PLPPR1: variants seen among roughly 807,000 people sequenced by gnomAD.
The protein encoded by PLPPR1 is phospholipid phosphatase related 1.
Under a neutral mutation model 33.1 loss-of-function variants are expected in PLPPR1, and 10 were observed. That is an observed-to-expected ratio of 0.30 (90% confidence interval 0.19 to 0.51). The LOEUF (loss-of-function observed/expected upper bound fraction) is 0.51. Among genes scored for constraint, PLPPR1 ranks in the 20% least tolerant of loss-of-function variants. The probability of loss-of-function intolerance (pLI) is 0.97; values close to 1 mark genes in which losing one functional copy is unlikely to be tolerated. For missense variants in PLPPR1, 304 were observed against 408.1 expected (o/e 0.74, Z 2.20); for synonymous variants, 151 against 151.0 (o/e 1.00, Z 0.00).
chr9:101,083,489 C>T lies in PLPPR1; in HGVS notation c.-46+54387C>T, dbSNP rs565750002. Among the ~76,000 whole-genome samples the T allele has an allele frequency of 4.0e-5, 6 of 151,888 alleles. No homozygotes were observed. In the South Asian group the frequency reaches 1.2e-3, roughly 32 times the overall value. Reference sequence around the variant, plus strand: ...TCCTGTTATTAAATCAAATGCATTTCATAAAGGAGCAGGAGCCTCTTAAAT... The same window carrying T: ...TCCTGTTATTAAATCAAATGCATTTTATAAAGGAGCAGGAGCCTCTTAAAT... On this transcript the variant is annotated intron_variant, in intron 1 of 7. Coordinates refer to ENST00000374874, the MANE Select transcript of PLPPR1 (RefSeq NM_207299.2).
intron 1 of PLPPR1, among the ~76,000 whole-genome samples, chr9:101,119,415 G>A (rs562180238): frequency 1.4e-4 from 21 of 152,298 alleles, no homozygotes; most frequent in Admixed American, 1.3e-3. Context: ...GCCAGTGGAG[G>A]GCAGCAGAGG....
At chr9:101,135,371 G>A (rs1047673228) in intron 1 of PLPPR1, among the ~76,000 whole-genome samples, 20 of 152,166 alleles carry the variant, frequency 1.3e-4, no homozygotes, top group African/African-American at 3.6e-4. Context: ...CCCAGGCAAC[G>A]TGTTTTCTAT....
rs775771598 is a variant in PLPPR1 at position 101,312,965 on chromosome 9, C to T, written c.804C>T (p.Ala268=). The T allele has an allele frequency of 1.2e-6, 2 of 1,613,996 alleles. No individual in the cohort carries two copies. The highest frequency in any genetic ancestry group is 3.3e-5 in the Admixed American group (2 of 60,016). The part of the protein sequence containing the change: ...IAGFILGTAV[A]LFLGMCVVHN... ...GTTTCATCCTGGGCACTGCAGTGGC[C>T]CTGTTTCTGGTAGGTTGACTTCCCT... Residue 268 remains alanine, a synonymous_variant, in exon 6 of 8, where the codon GCC becomes GCT. Coordinates refer to ENST00000374874, the MANE Select transcript of PLPPR1 (RefSeq NM_207299.2).
At chr9:101,098,096 T>C (rs185272228) in intron 1 of PLPPR1, among the ~76,000 whole-genome samples, 7 of 152,180 alleles carry the variant, frequency 4.6e-5, no homozygotes, top group Admixed American at 4.6e-4. Flanking sequence ...AGTCATGTGA[T>C]TGGTTTGTGT....
At chr9:101,056,932 G>A (rs1830284701) in intron 1 of PLPPR1, among the ~76,000 whole-genome samples, 1 of 152,076 alleles carries the variant, frequency 6.6e-6, no homozygotes, top group African/African-American at 2.4e-5. Flanking sequence ...CTGCTCCTCA[G>A]AGATGAGCCT....
chr9:101,250,322 T>G (rs1441660544), intron 2 of PLPPR1, among the ~76,000 whole-genome samples: 1 of 152,076 alleles, frequency 6.6e-6, no homozygotes, highest in African/African-American at 2.4e-5. Context: ...TCGAACTGAT[T>G]CCATCCTCCT....
At chr9:101,284,103 T>C (rs1247469572) in intron 3 of PLPPR1, among the ~76,000 whole-genome samples, 3 of 152,044 alleles carry the variant, frequency 2.0e-5, no homozygotes, top group African/African-American at 7.2e-5. Flanking sequence ...AGAATTGCCA[T>C]TGATCTAGTA....
chr9:101,031,028 T>C (rs184647284), intron 1 of PLPPR1, among the ~76,000 whole-genome samples: 1 of 152,240 alleles, frequency 6.6e-6, no homozygotes, highest in Admixed American at 6.5e-5. Context: ...TTAAAGGTAT[T>C]CAGTAAGATA....
intron 1 of PLPPR1, among the ~76,000 whole-genome samples, chr9:101,112,964 A>G (rs1462035160): frequency 6.6e-6 from 1 of 152,218 alleles, no homozygotes. Context: ...CATGATTTGC[A>G]GCTTAAAAGA....
chr9:101,168,544 T>G (rs1229264108), intron 1 of PLPPR1, among the ~76,000 whole-genome samples: 1 of 152,174 alleles, frequency 6.6e-6, no homozygotes, highest in Non-Finnish European at 1.5e-5. Flanking sequence ...ATGTTATTTT[T>G]TAAAATAGAT....
intron 2 of PLPPR1, among the ~76,000 whole-genome samples, chr9:101,203,603 T>A (rs1344485075): frequency 1.3e-5 from 2 of 148,268 alleles, no homozygotes; most frequent in Admixed American, 1.4e-4. Flanking sequence ...TTTATGTGGA[T>A]CTAGTAGAAA....
intron 4 of PLPPR1, among the ~76,000 whole-genome samples, chr9:101,298,881 AGAG>A (rs753435604): frequency 6.6e-6 from 1 of 152,224 alleles, no homozygotes; most frequent in Non-Finnish European, 1.5e-5. Context: ...TTTTAAATGG[AGAG>A]GAGAAGCTGT....
chr9:101,266,353 G>A (rs1827994323), intron 2 of PLPPR1, among the ~76,000 whole-genome samples: 1 of 147,414 alleles, frequency 6.8e-6, no homozygotes, highest in Non-Finnish European at 1.5e-5. Context: ...CCGAGATCCT[G>A]CCACTGCACT....
chr9:101,282,284 C>T (rs191181329), intron 3 of PLPPR1, among the ~76,000 whole-genome samples: 33 of 152,160 alleles, frequency 2.2e-4, no homozygotes, highest in African/African-American at 7.5e-4. Flanking sequence ...AAATGTAGTA[C>T]ATCACTTTAA....
chr9:101,184,228 A>G (rs533529174), intron 1 of PLPPR1, among the ~76,000 whole-genome samples: 2 of 152,022 alleles, frequency 1.3e-5, no homozygotes, highest in African/African-American at 4.8e-5. Context: ...TAAGTTGCCT[A>G]AAACTTAAAT....
At chr9:101,071,771 CA>C (rs1399510103) in intron 1 of PLPPR1, among the ~76,000 whole-genome samples, 1 of 152,026 alleles carries the variant, frequency 6.6e-6, no homozygotes, top group Non-Finnish European at 1.5e-5. Context: ...TGAAGGCAAA[CA>C]ATCTAAATAC....
chr9:101,041,065 A>G (rs1830072137), intron 1 of PLPPR1, among the ~76,000 whole-genome samples: 1 of 152,164 alleles, frequency 6.6e-6, no homozygotes, highest in African/African-American at 2.4e-5. Context: ...CATAGTGGAA[A>G]ATGGTCCCCA....
chr9:101,262,912 C>T (rs1827925841), intron 2 of PLPPR1, among the ~76,000 whole-genome samples: 1 of 152,032 alleles, frequency 6.6e-6, no homozygotes, highest in Non-Finnish European at 1.5e-5. Flanking sequence ...GAACAGAAAA[C>T]CAAACAATGC....
rs773111570 is a variant in PLPPR1 at position 101,125,796 on chromosome 9, T to G, written c.-45-59654T>G. ...GAAAGTCCAAATATAGCCCAGAACA[T>G]TGTCTTAAAACTCTGTTGTGAAGGC... On this transcript the variant is annotated intron_variant, in intron 1 of 7. Coordinates refer to ENST00000374874, the MANE Select transcript of PLPPR1 (RefSeq NM_207299.2). 105 of 841,946 alleles carry G rather than the reference T, an allele frequency of 1.2e-4. 2 individuals carry two copies. Among genetic ancestry groups the G allele is most frequent in the Non-Finnish European group, 1.7e-4 (94 of 555,750 alleles). 52.2% of individuals were successfully genotyped at this position (841,946 alleles called of 1,614,324 possible).
Sources: allele counts gnomAD v4.1 joint callset (sites outside exome capture counted in the v4.1 genomes callset), GRCh38; gene constraint gnomAD v4.1.1; transcripts MANE v1.5; gene names NCBI Gene and HGNC (gene_info 2026-07-23, HGNC 2026-07-21).